Variants in RNF31 observed in about 807,000 individuals in gnomAD.
RNF31 encodes the protein ring finger protein 31, also known as E3 ubiquitin-protein ligase RNF31.
A neutral mutation model predicts 133.6 loss-of-function variants in RNF31; 38 were observed. The ratio of observed to expected loss-of-function variants is 0.28; its 90% confidence interval spans 0.22 to 0.37. The LOEUF (loss-of-function observed/expected upper bound fraction) is 0.37. Ranked by LOEUF, RNF31 falls within the 10% of genes least tolerant of loss-of-function variation. The probability of loss-of-function intolerance (pLI) is 1.00; values close to 1 mark genes in which losing one functional copy is unlikely to be tolerated. For missense variants in RNF31, 1,118 were observed against 1,394.1 expected (o/e 0.80, Z 3.15); for synonymous variants, 582 against 552.3 (o/e 1.05, Z -0.75).
At chr14:24,152,797 C>T (rs1347184934) in intron 11 of RNF31, among the ~76,000 whole-genome samples, 1 of 152,206 alleles carries the variant, frequency 6.6e-6, no homozygotes, top group Admixed American at 6.5e-5. Context: ...TAAAGAATTA[C>T]CAGGCTGGGC....
At position 24,151,157 on chromosome 14, in the gene RNF31, A is replaced by C. The variant is rs746665400; in HGVS notation, c.1515A>C (p.Pro505=). The C allele has an allele frequency of 1.2e-6, 2 of 1,614,128 alleles. No homozygotes were observed. The highest frequency in any genetic ancestry group is 8.5e-7 in the Non-Finnish European group (1 of 1,180,040). The change falls in exon 9 of 21, where the codon CCA becomes CCC. Residue 505 remains proline, a synonymous_variant. Transcript: ENST00000324103. The surrounding 1 kb of genome is among the most constrained non-coding windows in gnomAD (Gnocchi z 5.3). ...IREGEAAGAC[P]EEIFSALQYS... ...AAGGGGAAGCCGCAGGTGCCTGTCC[A>C]GAGGAGATCTTCTCGGCTCTGCAGT...
In RNF31 at chr14:24,147,629, C is replaced by T. The variant is rs576319156; in HGVS notation, c.-70C>T. ...GCCGGGCACCAGACGGGAGGGGCGG[C>T]GCTCGGGCCGCGCGCTGCCCGCGCC... is the stretch of plus-strand genomic sequence containing the variant. On this transcript the variant is annotated 5_prime_UTR_variant, in exon 1 of 21. Transcript: ENST00000324103. 5.4e-5 allele frequency: 71 copies of T among 1,325,720 alleles called. No homozygotes were observed. Among genetic ancestry groups the T allele is most frequent in the African/African-American group, 1.1e-4 (7 of 64,232 alleles). The allele number at this position is 1,325,720 out of a possible 1,614,324, so 82.1% of individuals were successfully genotyped here. A position where few individuals can be genotyped will look rare whatever the true frequency, so the allele number is the denominator to read the frequency against.
chr14:24,149,728 AC>A, intron 6 of RNF31, 145 bp downstream of exon 6: 1 of 878,698 alleles, frequency 1.1e-6, no homozygotes, highest in Non-Finnish European at 1.7e-6. Context: ...TAATAGACAT[AC>A]ACATCAAGCA....
intron 11 of RNF31, among the ~76,000 whole-genome samples, chr14:24,154,217 G>T (rs2038309559): frequency 6.6e-6 from 1 of 152,086 alleles, no homozygotes; most frequent in Admixed American, 6.5e-5. Flanking sequence ...GAGTGCAATG[G>T]TGCGATCTCG....
intron 11 of RNF31, chr14:24,154,892 T>G: frequency 2.7e-5 from 13 of 484,314 alleles, no homozygotes; most frequent in East Asian, 7.1e-5. Context: ...ATTTCAAGCA[T>G]GTTATTTGTA....
chr14:24,147,950 C>T, intron 1 of RNF31, 26 bp from the exon 2 acceptor site: 3 of 1,614,106 alleles, frequency 1.9e-6, no homozygotes, highest in South Asian at 2.2e-5. Context: ...GCCACGCTCA[C>T]ACCTCTCTGC....
Position 24,155,421 on chromosome 14 carries a change from A to G in RNF31, c.2312A>G (p.Glu771Gly). The change falls in exon 13 of 21, where the codon GAG becomes GGG. Residue 771 changes from glutamate (E) to glycine (G), a missense_variant. Glu to Gly is a moderately conservative substitution (Grantham distance 98). Around this residue, in one of 3 missense-constraint regions of RNF31, gnomAD observed 201 missense variants for 371.7 expected, o/e 0.54. Transcript: ENST00000324103. This position sits in a 1 kb window ranked among gnomAD's most constrained non-coding sequence, Gnocchi z 4.9. ...TCTGCATCCTGTCCCCAGCTTCGCG[A>G]GAGCCTAGAGCCAGATGCCTATGCG... ...YFSTLDIQLR[E>G]SLEPDAYALF... 6.2e-7 allele frequency: 1 copy of G among 1,614,140 alleles called. No individual in the cohort carries two copies. Among genetic ancestry groups the G allele is most frequent in the Non-Finnish European group, 8.5e-7 (1 of 1,180,018 alleles).
Position 24,151,530 on chromosome 14 carries a change from C to T in RNF31, c.1783C>T (p.Leu595Phe). The change falls in exon 10 of 21, where the codon CTC (leucine) becomes TTC (phenylalanine). Residue 595 changes from leucine (L) to phenylalanine (F), a missense_variant. This residue lies in a region of RNF31 where 747 missense variants were observed against 827.9 expected (regional missense o/e 0.90). Coordinates refer to ENST00000324103, the MANE Select transcript of RNF31 (RefSeq NM_017999.5). This position sits in a 1 kb window ranked among gnomAD's most constrained non-coding sequence, Gnocchi z 5.3. ...AGGCTTTGGGCCTGAGGAGGGGTCT[C>T]TCCAGGCATTGTTCCAGCACGGAGG... Reference protein sequence around the residue: ...SLGFGPEEGSLQALFQHGGDV... With the variant: ...SLGFGPEEGSFQALFQHGGDV... 1 of 1,614,230 alleles carries T rather than the reference C, an allele frequency of 6.2e-7. No homozygotes were observed. Among genetic ancestry groups the T allele is most frequent in the South Asian group, 1.1e-5 (1 of 91,088 alleles).
At chr14:24,156,415 C>T (rs897952250) in intron 14 of RNF31, among the ~76,000 whole-genome samples, 7 of 152,232 alleles carry the variant, frequency 4.6e-5, no homozygotes, top group African/African-American at 7.2e-5. Context: ...AGTGATCCCT[C>T]GCCTCAGCCT....
In RNF31 at chr14:24,148,092, T is replaced by C; in HGVS notation, c.309T>C (p.Pro103=). Residue 103 remains proline, a synonymous_variant, in exon 2 of 21, where the codon CCT becomes CCC. Coordinates refer to ENST00000324103, the MANE Select transcript of RNF31 (RefSeq NM_017999.5). ...RYWRGVKFNN[P]VFRSTVDAVQ... Reference sequence around the variant, plus strand: ...GGCGTGGTGTCAAGTTTAATAACCCTGTCTTTCGCAGCACGGTGGATGCTG... The same window carrying C: ...GGCGTGGTGTCAAGTTTAATAACCCCGTCTTTCGCAGCACGGTGGATGCTG... 1 of 1,614,200 alleles carries C rather than the reference T, an allele frequency of 6.2e-7. No homozygotes were observed. The highest frequency in any genetic ancestry group is 8.5e-7 in the Non-Finnish European group (1 of 1,180,040).
In RNF31 at chr14:24,151,238, G is replaced by C. The variant is rs1282340573; in HGVS notation, c.1596G>C (p.Leu532=). 6.2e-7 allele frequency: 1 copy of C among 1,614,084 alleles called. No individual in the cohort carries two copies. Among genetic ancestry groups the C allele is most frequent in the Non-Finnish European group, 8.5e-7 (1 of 1,180,054 alleles). Reference sequence around the variant, plus strand: ...TGCGCTCAGAACTGCCCTACGTCCTGGAGATGGTGGCTGAGCTGGCTGGAC... The same window carrying C: ...TGCGCTCAGAACTGCCCTACGTCCTCGAGATGGTGGCTGAGCTGGCTGGAC... ...QWLRSELPYV[L]EMVAELAGQQ... The change falls in exon 9 of 21, where the codon CTG becomes CTC. Residue 532 remains leucine, a synonymous_variant. Transcript: ENST00000324103. The surrounding 1 kb of genome is among the most constrained non-coding windows in gnomAD (Gnocchi z 5.3).
intron 11 of RNF31, among the ~76,000 whole-genome samples, chr14:24,154,521 G>A (rs547451943): frequency 2.1e-4 from 32 of 152,212 alleles, no homozygotes; most frequent in African/African-American, 4.3e-4. Context: ...CAAGTGATGC[G>A]CCCGCCTTGG....
At chr14:24,156,599 T>G (rs1156256941) in intron 14 of RNF31, among the ~76,000 whole-genome samples, 1 of 151,978 alleles carries the variant, frequency 6.6e-6, no homozygotes, top group Non-Finnish European at 1.5e-5. Flanking sequence ...CCCAATATGG[T>G]GAAACCCCGT....
In RNF31 at chr14:24,150,586, C is replaced by T. The variant is rs751178673; in HGVS notation, c.1198-12C>T. ...CAGCCAGTCAAAGGGATAATTCTCT[C>T]TGCCTTCCCAGCAGGGGGATGCTTT... On this transcript the variant is annotated splice_polypyrimidine_tract_variant and intron_variant, in intron 7 of 20. Transcript: ENST00000324103. The T allele has an allele frequency of 6.2e-6, 10 of 1,602,644 alleles. No homozygotes were observed. In the Admixed American group the frequency reaches 1.5e-4, roughly 24 times the overall value.
In RNF31 at chr14:24,152,227, C is replaced by T. The variant is rs139800846; in HGVS notation, c.2130+235C>T. ...AGAAAAATTGTACTACACTGTATAA[C>T]AAATTCCCATACCCCCCTGCAACCC... On this transcript the variant is annotated intron_variant, in intron 11 of 20. Transcript: ENST00000324103. Among the ~76,000 whole-genome samples, 185 of 151,192 alleles carry T rather than the reference C, an allele frequency of 1.2e-3. 1 individual carries two copies. Among genetic ancestry groups the T allele is most frequent in the African/African-American group, 4.4e-3 (181 of 41,506 alleles).
At chr14:24,158,403 A>G (rs2038379235) in intron 18 of RNF31, among the ~76,000 whole-genome samples, 1 of 152,256 alleles carries the variant, frequency 6.6e-6, no homozygotes, top group Non-Finnish European at 1.5e-5. Context: ...AGACATCTTT[A>G]AAGAACCTGG....
chr14:24,147,649 C>A lies in RNF31; in HGVS notation c.-50C>A, dbSNP rs1342530321. On this transcript the variant is annotated 5_prime_UTR_variant, in exon 1 of 21. Transcript: ENST00000324103. The stretch of plus-strand genomic sequence containing the variant: ...GGCGGCGCTCGGGCCGCGCGCTGCC[C>A]GCGCCGGGTCCTGGCGGGCGGCGAG... 2 of 1,358,746 alleles carry A rather than the reference C, an allele frequency of 1.5e-6. No homozygotes were observed. The highest frequency in any genetic ancestry group is 1.9e-6 in the Non-Finnish European group (2 of 1,061,292). The allele number at this position is 1,358,746 out of a possible 1,614,324, so 84.2% of individuals were successfully genotyped here. A position where few individuals can be genotyped will look rare whatever the true frequency, so the allele number is the denominator to read the frequency against.
chr14:24,160,593 T>C lies in RNF31; in HGVS notation c.*20T>C, dbSNP rs1199972486. On this transcript the variant is annotated 3_prime_UTR_variant, in exon 21 of 21. Coordinates refer to ENST00000324103, the MANE Select transcript of RNF31 (RefSeq NM_017999.5). This position sits in a 1 kb window ranked among gnomAD's most constrained non-coding sequence, Gnocchi z 4.0. ...AAGTAGCTGAGGGCAAGGGTCCCGA[T>C]GAGGGTCCCATGGCCTGCTCCCTCA... 6.6e-7 allele frequency: 1 copy of C among 1,513,804 alleles called. No homozygotes were observed. The highest frequency in any genetic ancestry group is 1.3e-5 in the South Asian group (1 of 74,780). 93.8% of individuals were successfully genotyped at this position (1,513,804 alleles called of 1,614,324 possible).
chr14:24,150,994 C>A, intron 8 of RNF31, 106 bp downstream of exon 8: 1 of 1,497,948 alleles, frequency 6.7e-7, no homozygotes, highest in Non-Finnish European at 9.0e-7. Context: ...GCAGCAGCTG[C>A]CTGTTACTGA....
Sources: gnomAD v4.1 joint callset for allele counts (sites outside exome capture counted in the v4.1 genomes callset) on GRCh38, gnomAD v4.1.1 for gene constraint, gnomAD v4.1.1 regional missense constraint, Gnocchi (gnomAD v3.1) non-coding constraint, MANE v1.5 for transcripts, NCBI Gene and HGNC (gene_info 2026-07-23, HGNC 2026-07-21) for gene names.